The following NEK5 variants were observed in gnomAD, a reference collection of about 807,000 sequenced individuals.
The protein encoded by NEK5 is NIMA related kinase 5.
A neutral mutation model predicts 109.2 loss-of-function variants in NEK5; 88 were observed. The ratio of observed to expected loss-of-function variants is 0.81; its 90% confidence interval spans 0.68 to 0.96. The LOEUF is 0.96. Among genes scored for constraint, NEK5 ranks in the 40% least tolerant of loss-of-function variants. The probability of loss-of-function intolerance (pLI) is 0.00; values close to 1 mark genes in which losing one functional copy is unlikely to be tolerated. For synonymous variants in NEK5, 283 were observed against 299.9 expected, an observed-to-expected ratio of 0.94 and a Z score of 0.58; for missense variants, 834 against 920.7, an observed-to-expected ratio of 0.91 and a Z score of 1.22.
At chr13:52,075,407 A>G (rs1349756029) in intron 19 of NEK5, among the ~76,000 whole-genome samples, 1 of 152,212 alleles carries the variant, frequency 6.6e-6, no homozygotes, top group Non-Finnish European at 1.5e-5. Context: ...CAAATTCTGC[A>G]TGTTCTCACT....
chr13:52,092,843 G>A (rs1593967630), intron 13 of NEK5, among the ~76,000 whole-genome samples: 1 of 152,246 alleles, frequency 6.6e-6, no homozygotes, highest in East Asian at 1.9e-4. Flanking sequence ...CTGAGATTGC[G>A]CCACCGCACT....
chr13:52,128,776 TA>T (rs1474654023), intron 1 of NEK5: 3 of 152,206 alleles, frequency 2.0e-5, no homozygotes, highest in Non-Finnish European at 1.5e-5. Flanking sequence ...CCTTCTCCCC[TA>T]GGGCCGCCCC....
chr13:52,126,306 C>T (rs777729390), intron 3 of NEK5, among the ~76,000 whole-genome samples: 1 of 152,082 alleles, frequency 6.6e-6, no homozygotes, highest in Non-Finnish European at 1.5e-5. Flanking sequence ...ATTTATTTTC[C>T]AAAATCATTA....
intron 8 of NEK5, among the ~76,000 whole-genome samples, chr13:52,105,868 AT>A (rs201864220): frequency 2.9e-4 from 44 of 151,366 alleles, no homozygotes; most frequent in African/African-American, 1.0e-3. Context: ...TCAATATTTA[AT>A]TTTTTTTTGG....
chr13:52,093,287 C>G, intron 12 of NEK5, 52 bp from the exon 13 acceptor site: 1 of 1,363,998 alleles, frequency 7.3e-7, no homozygotes, highest in Non-Finnish European at 1.0e-6. Flanking sequence ...AGGCTGGGTG[C>G]AGTGGCTCAC....
chr13:52,085,087 G>A (rs1445550605), intron 16 of NEK5, among the ~76,000 whole-genome samples: 1 of 152,160 alleles, frequency 6.6e-6, no homozygotes, highest in Non-Finnish European at 1.5e-5. Flanking sequence ...ACCTTGAATT[G>A]TAATAATCCT....
chr13:52,049,788 G>C (rs1461077252), intron 23 of NEK5, among the ~76,000 whole-genome samples: 1 of 152,202 alleles, frequency 6.6e-6, no homozygotes, highest in Admixed American at 6.5e-5. Context: ...TACTGTGTAT[G>C]ATGAGGAATG....
rs59617490 is a variant in NEK5 at position 52,040,081 on chromosome 13, C to CT, written c.2229-2864dup. On this transcript the variant is annotated intron_variant, in intron 23 of 23. Transcript: ENST00000684899. Reference sequence around the variant, plus strand: ...TTACCAGACACCAAATCTACTGGCACTTTTTTTTTTTTTTTTTTTTTGAGA... The same window carrying CT: ...TTACCAGACACCAAATCTACTGGCACTTTTTTTTTTTTTTTTTTTTTTGAGA... 8.3e-3 allele frequency among the ~76,000 whole-genome samples: 1,001 copies of CT among 120,352 alleles called. 21 individuals are homozygous for CT. Among genetic ancestry groups the CT allele is most frequent in the South Asian group, 0.044 (158 of 3,628 alleles). 79.0% of individuals were successfully genotyped at this position (120,352 alleles called of 152,430 possible).
chr13:52,112,572 G>C (rs1955779049), intron 4 of NEK5, among the ~76,000 whole-genome samples: 1 of 152,142 alleles, frequency 6.6e-6, no homozygotes, highest in Non-Finnish European at 1.5e-5. Flanking sequence ...TTCTTCTTTG[G>C]ATTGTTGGAA....
chr13:52,052,789 C>T (rs1160202174), intron 22 of NEK5, among the ~76,000 whole-genome samples: 1 of 152,194 alleles, frequency 6.6e-6, no homozygotes, highest in Admixed American at 6.5e-5. Flanking sequence ...GTTCACATAA[C>T]AAACCTTACC....
chr13:52,096,120 C>T (rs1955410581), intron 12 of NEK5, among the ~76,000 whole-genome samples: 1 of 152,166 alleles, frequency 6.6e-6, no homozygotes, highest in Non-Finnish European at 1.5e-5. Flanking sequence ...CCCAGCCATA[C>T]TTCCTGTACA....
intron 19 of NEK5, among the ~76,000 whole-genome samples, chr13:52,073,735 C>T (rs1954819057): frequency 6.6e-6 from 1 of 152,124 alleles, no homozygotes; most frequent in Non-Finnish European, 1.5e-5. Flanking sequence ...CCCAAAGACT[C>T]GACCCAAAGG....
intron 19 of NEK5, among the ~76,000 whole-genome samples, chr13:52,073,427 T>TG (rs1954814066): frequency 6.6e-6 from 1 of 151,932 alleles, no homozygotes; most frequent in South Asian, 2.1e-4. Context: ...GTGATTCTCC[T>TG]GCCTCAGCCT....
chr13:52,123,924 G>C (rs1378681863), intron 3 of NEK5, among the ~76,000 whole-genome samples: 2 of 151,894 alleles, frequency 1.3e-5, no homozygotes, highest in African/African-American at 4.8e-5. Context: ...AGGCTGGAGT[G>C]GGGAAAAAAA....
At chr13:52,122,762 G>A (rs561876828) in intron 3 of NEK5, among the ~76,000 whole-genome samples, 4 of 149,868 alleles carry the variant, frequency 2.7e-5, no homozygotes, top group East Asian at 3.9e-4. Context: ...GCGAGACTCC[G>A]TCTCAAAAAA....
Position 52,104,524 on chromosome 13 carries a change from A to G in NEK5, c.583T>C (p.Tyr195His), listed in dbSNP as rs1955611398. ...TDIWSLGCVL[Y>H]ELCTLKHPFE... ...GGATGTTTAAGTGTGCAGAGCTCAT[A>G]TAAGACACAGCCAAGAGACCAAATA... The change falls in exon 9 of 24, where the codon TAT (tyrosine) becomes CAT (histidine). Residue 195 changes from tyrosine to histidine, a missense_variant. Tyr to His is a moderately conservative substitution (Grantham distance 83). Around this residue, in one of 2 missense-constraint regions of NEK5, gnomAD observed 777 missense variants for 824.7 expected, o/e 0.94. Transcript: ENST00000684899. 4 of 1,607,258 alleles carry G rather than the reference A, an allele frequency of 2.5e-6. No homozygotes were observed. Among genetic ancestry groups the G allele is most frequent in the Non-Finnish European group, 3.4e-6 (4 of 1,173,904 alleles).
chr13:52,066,377 T>C (rs1422196606), intron 20 of NEK5, among the ~76,000 whole-genome samples: 1 of 152,220 alleles, frequency 6.6e-6, no homozygotes, highest in Non-Finnish European at 1.5e-5. Flanking sequence ...AGATACATTA[T>C]TGAAAATGAC....
intron 20 of NEK5, among the ~76,000 whole-genome samples, chr13:52,068,970 CA>C (rs5803593): frequency 0.61 from 82,495 of 134,346 alleles, 25,563 homozygotes; most frequent in Middle Eastern, 0.73. Flanking sequence ...GACTCCCTCT[CA>C]AAAAAAAAAC....
intron 11 of NEK5, 33 bp from the exon 12 acceptor site, chr13:52,099,909 T>C (rs762852568): frequency 1.1e-5 from 18 of 1,570,610 alleles, no homozygotes; most frequent in Non-Finnish European, 1.5e-5. Context: ...GCTTCAATTT[T>C]TTAAAAATTG....
Sources: allele counts gnomAD v4.1 joint callset (sites outside exome capture counted in the v4.1 genomes callset), GRCh38; gene constraint gnomAD v4.1.1; regional missense constraint gnomAD v4.1.1; transcripts MANE v1.5; gene names NCBI Gene and HGNC (gene_info 2026-07-23, HGNC 2026-07-21).